Variants in MAPK8 observed in about 807,000 individuals in gnomAD.
MAPK8 encodes the protein mitogen-activated protein kinase 8.
A neutral mutation model predicts 52.9 loss-of-function variants in MAPK8; 13 were observed. That is an observed-to-expected ratio of 0.25 (90% confidence interval 0.16 to 0.39). The LOEUF (loss-of-function observed/expected upper bound fraction) is 0.39. MAPK8 is among the 10% of genes least tolerant of loss of function. MAPK8 has a pLI of 1.00. For missense variants in MAPK8, 300 were observed against 519.2 expected (o/e 0.58, Z 4.10); for synonymous variants, 191 against 169.8 (o/e 1.12, Z -0.97).
chr10:48,392,176 C>T lies in MAPK8; in HGVS notation c.-49-9436C>T, dbSNP rs546330410. The stretch of plus-strand genomic sequence containing the variant: ...CCAAATTCTTCTTAGCCTTTCTGTG[C>T]AGCATTCCTTTCTCAAGGGTGTGGG... On this transcript the variant is annotated intron_variant, in intron 1 of 11. Transcript: ENST00000374189. Among the ~76,000 whole-genome samples, 6 of 152,298 alleles carry T rather than the reference C, an allele frequency of 3.9e-5. No individual in the cohort carries two copies. In the South Asian group the frequency reaches 1.2e-3, roughly 32 times the overall value.
chr10:48,395,246 G>C (rs1484182620), intron 1 of MAPK8, among the ~76,000 whole-genome samples: 6 of 151,960 alleles, frequency 3.9e-5, no homozygotes, highest in Non-Finnish European at 8.8e-5. Flanking sequence ...TAAATTGCCT[G>C]ATTTTCACAC....
intron 10 of MAPK8, 183 bp downstream of exon 10, chr10:48,427,326 C>T (rs1371885814): frequency 2.1e-6 from 1 of 478,672 alleles, no homozygotes. Flanking sequence ...CTTAAGTTCC[C>T]AAGTTTCCCA....
intron 1 of MAPK8, among the ~76,000 whole-genome samples, chr10:48,388,161 G>T (rs754979084): frequency 3.4e-4 from 52 of 152,046 alleles, no homozygotes; most frequent in Non-Finnish European, 6.8e-4. Context: ...ACTTCATTTT[G>T]TTTTAATAAT....
intron 10 of MAPK8, chr10:48,430,208 C>G (rs2044084211): frequency 6.6e-6 from 1 of 152,304 alleles, no homozygotes; most frequent in Non-Finnish European, 1.5e-5. Context: ...ATTCTCCTGT[C>G]TCAGCCTCCC....
chr10:48,348,774 G>A (rs1846022842), intron 1 of MAPK8, among the ~76,000 whole-genome samples: 1 of 152,106 alleles, frequency 6.6e-6, no homozygotes, highest in African/African-American at 2.4e-5. Flanking sequence ...GTACCATGCT[G>A]TTTTGGTTAC....
intron 5 of MAPK8, among the ~76,000 whole-genome samples, chr10:48,414,568 A>ATTT (rs3047769): frequency 6.8e-5 from 6 of 88,450 alleles, no homozygotes; most frequent in African/African-American, 1.4e-4. Flanking sequence ...GTTGAAAAGA[A>ATTT]TTTTTTTTTT....
At chr10:48,338,424 A>G (rs1340718001) in intron 1 of MAPK8, among the ~76,000 whole-genome samples, 4 of 152,174 alleles carry the variant, frequency 2.6e-5, no homozygotes, top group Non-Finnish European at 4.4e-5. Flanking sequence ...TCAGAGGAAC[A>G]TACCTCAAAA....
At chr10:48,384,271 G>A (rs1002434541) in intron 1 of MAPK8, among the ~76,000 whole-genome samples, 2 of 152,090 alleles carry the variant, frequency 1.3e-5, no homozygotes, top group Non-Finnish European at 2.9e-5. Context: ...AGACAAGATG[G>A]CCTGAAAAGC....
intron 1 of MAPK8, among the ~76,000 whole-genome samples, chr10:48,329,516 T>TA (rs1843896860): frequency 2.0e-5 from 3 of 151,498 alleles, no homozygotes; most frequent in African/African-American, 4.9e-5. Context: ...TCCTTTTTTT[T>TA]TAAAAAAAAA....
chr10:48,349,247 T>G (rs1846077070), intron 1 of MAPK8, among the ~76,000 whole-genome samples: 1 of 151,778 alleles, frequency 6.6e-6, no homozygotes, highest in African/African-American at 2.4e-5. Flanking sequence ...TATCCAGGAG[T>G]TGAACTCAGC....
intron 1 of MAPK8, among the ~76,000 whole-genome samples, chr10:48,319,388 C>G (rs1206339770): frequency 1.3e-5 from 2 of 152,182 alleles, no homozygotes; most frequent in African/African-American, 4.8e-5. Context: ...CTCATACTCA[C>G]TAGCAGTCAC....
At chr10:48,417,089 C>T (rs768420443) in intron 5 of MAPK8, among the ~76,000 whole-genome samples, 7 of 152,096 alleles carry the variant, frequency 4.6e-5, no homozygotes, top group Non-Finnish European at 8.8e-5. Flanking sequence ...GTAGCACTCC[C>T]CAGTTGTGAC....
intron 1 of MAPK8, among the ~76,000 whole-genome samples, chr10:48,342,581 G>A (rs968525077): frequency 1.3e-5 from 2 of 152,220 alleles, no homozygotes; most frequent in African/African-American, 4.8e-5. Context: ...AACTATTGCA[G>A]TTATCCAGGA....
rs944949986 is a variant in MAPK8, at chr10:48,433,823, T to C, written c.1139-1061T>C. On this transcript the variant is annotated intron_variant, in intron 11 of 11. Coordinates refer to ENST00000374189, the MANE Select transcript of MAPK8 (RefSeq NM_001323329.2). The stretch of plus-strand genomic sequence containing the variant: ...TCAGGAGCAGTGGTTTTCAGCCCAT[T>C]TGGTTTCAGCATCTTTGGGTGCCTG... Among the ~76,000 whole-genome samples the C allele has an allele frequency of 2.0e-4, 30 of 152,348 alleles. 1 individual carries two copies. The highest frequency in any genetic ancestry group is 1.4e-3 in the Admixed American group (22 of 15,312).
chr10:48,360,392 A>G (rs963283682), intron 1 of MAPK8, among the ~76,000 whole-genome samples: 3 of 152,192 alleles, frequency 2.0e-5, no homozygotes, highest in African/African-American at 7.2e-5. Flanking sequence ...ATCACCTAAA[A>G]TAGTTGAGCA....
At chr10:48,415,186 C>G (rs1388640208) in intron 5 of MAPK8, among the ~76,000 whole-genome samples, 1 of 152,082 alleles carries the variant, frequency 6.6e-6, no homozygotes, top group Non-Finnish European at 1.5e-5. Flanking sequence ...TTTTATCTTC[C>G]TGAGCCCCTA....
chr10:48,375,192 C>T (rs61838673), intron 1 of MAPK8, among the ~76,000 whole-genome samples: 6,605 of 152,266 alleles, frequency 0.043, 162 homozygotes, highest in African/African-American at 0.064. Context: ...TTCAGCAGCC[C>T]CTCATGCTAA....
rs2042163358 is a variant in MAPK8 at position 48,401,614 on chromosome 10, T to C, written c.-47T>C. The stretch of plus-strand genomic sequence containing the variant: ...TCATGTTTTGTTGCATCTTGCAGCT[T>C]CTTGGTGAATTTTTGGATGAAGCCA... On this transcript the variant is annotated splice_region_variant and 5_prime_UTR_variant, in exon 2 of 12. Coordinates refer to ENST00000374189, the MANE Select transcript of MAPK8 (RefSeq NM_001323329.2). 3.1e-6 allele frequency: 5 copies of C among 1,599,596 alleles called. No homozygotes were observed. In the African/African-American group the frequency reaches 4.1e-5, roughly 13 times the overall value.
intron 1 of MAPK8, among the ~76,000 whole-genome samples, chr10:48,355,000 TAAAG>T (rs1411851602): frequency 6.6e-6 from 1 of 152,082 alleles, no homozygotes; most frequent in East Asian, 1.9e-4. Flanking sequence ...AAGAAAAACA[TAAAG>T]AAACTAAGCA....
Sources: gnomAD v4.1 joint callset for allele counts (sites outside exome capture counted in the v4.1 genomes callset) on GRCh38, gnomAD v4.1.1 for gene constraint, MANE v1.5 for transcripts, NCBI Gene and HGNC (gene_info 2026-07-23, HGNC 2026-07-21) for gene names.